EVI5: variants seen among roughly 807,000 people sequenced by gnomAD.
EVI5 encodes ecotropic viral integration site 5 protein homolog.
In EVI5, 73 loss-of-function variants were observed where a neutral mutation model predicts 112.0. That is an observed-to-expected ratio of 0.65 (90% CI 0.54 to 0.79). The LOEUF (loss-of-function observed/expected upper bound fraction) is 0.79. Among genes scored for constraint, EVI5 ranks in the 30% least tolerant of loss-of-function variants. The pLI, the probability that EVI5 is intolerant of heterozygous loss-of-function variation, is 0.00. For synonymous variants in EVI5, 305 were observed against 319.9 expected, an observed-to-expected ratio of 0.95 and a Z score of 0.50; for missense variants, 900 against 968.8, an observed-to-expected ratio of 0.93 and a Z score of 0.94.
Position 92,513,519 on chromosome 1 carries a change from A to G in EVI5, c.*137T>C, listed in dbSNP as rs1265548480. 4.0e-5 allele frequency: 1 copy of G among 25,112 alleles called. No homozygotes were observed. Among genetic ancestry groups the G allele is most frequent in the Non-Finnish European group, 6.4e-5 (1 of 15,636 alleles). 1.6% of individuals were successfully genotyped at this position (25,112 alleles called of 1,614,324 possible). The stretch of plus-strand genomic sequence containing the variant: ...GCAGATAAGACTGTAAAATATATAT[A>G]TATATATATATATATATATATATAT... On this transcript the variant is annotated 3_prime_UTR_variant, in exon 20 of 20. Transcript: ENST00000684568.
Position 92,513,602 on chromosome 1 carries a change from A to C in EVI5, c.*54T>G. 9.3e-7 allele frequency: 1 copy of C among 1,074,150 alleles called. No homozygotes were observed. Among genetic ancestry groups the C allele is most frequent in the Non-Finnish European group, 1.3e-6 (1 of 776,510 alleles). 66.5% of individuals were successfully genotyped at this position (1,074,150 alleles called of 1,614,324 possible). The stretch of plus-strand genomic sequence containing the variant: ...AACAAATTATTTCCAAAAAGCCCTA[A>C]TCATATGATAACTGATCCCTTAAAT... On this transcript the variant is annotated 3_prime_UTR_variant, in exon 20 of 20. Transcript: ENST00000684568.
rs191405674 is a variant in EVI5 at position 92,778,692 on chromosome 1, G to A, written c.-82+6144C>T. On this transcript the variant is annotated intron_variant, in intron 1 of 19. Coordinates refer to ENST00000684568, the MANE Select transcript of EVI5 (RefSeq NM_001350197.2). The stretch of plus-strand genomic sequence containing the variant: ...TTATTTCAATCTTGGCTACACACTG[G>A]AATTATCTTGGCAGCTTTAAAAAAT... 5.9e-5 allele frequency among the ~76,000 whole-genome samples: 9 copies of A among 152,238 alleles called. No individual in the cohort carries two copies. The East Asian group carries it at 1.5e-3, about 26-fold the overall frequency.
rs373829277 is a variant in EVI5 at position 92,658,172 on chromosome 1, T to C, written c.1392+4547A>G. On this transcript the variant is annotated intron_variant, in intron 13 of 19. Transcript: ENST00000684568. ...AAGTTGAAAGCACTCCTCTAAGATCTGGAACAAGACAAGGATGCTTACTTT... is the reference window on the plus strand; with the variant it reads ...AAGTTGAAAGCACTCCTCTAAGATCCGGAACAAGACAAGGATGCTTACTTT... 2.7e-4 allele frequency among the ~76,000 whole-genome samples: 41 copies of C among 152,328 alleles called. 1 individual carries two copies. In the South Asian group the frequency reaches 8.3e-3, roughly 31 times the overall value.
chr1:92,678,800 A>T (rs1667144770), intron 9 of EVI5, among the ~76,000 whole-genome samples: 1 of 152,152 alleles, frequency 6.6e-6, no homozygotes, highest in Non-Finnish European at 1.5e-5. Context: ...TCAAAAATAA[A>T]ATTCTCCCTC....
intron 1 of EVI5, among the ~76,000 whole-genome samples, chr1:92,782,858 C>T (rs1685045285): frequency 6.6e-6 from 1 of 152,024 alleles, no homozygotes; most frequent in African/African-American, 2.4e-5. Context: ...CTCACTCTGC[C>T]GCTCAGGCTG....
chr1:92,675,485 AT>A (rs201106041), intron 10 of EVI5, among the ~76,000 whole-genome samples: 1 of 151,478 alleles, frequency 6.6e-6, no homozygotes, highest in African/African-American at 2.4e-5. Flanking sequence ...TAGAACTGTG[AT>A]TTTTTTTTCA....
intron 18 of EVI5, among the ~76,000 whole-genome samples, chr1:92,592,406 G>C (rs1674114624): frequency 6.6e-6 from 1 of 152,190 alleles, no homozygotes; most frequent in Admixed American, 6.5e-5. Flanking sequence ...GAATCTCTGG[G>C]ACACATTCCA....
intron 19 of EVI5, among the ~76,000 whole-genome samples, chr1:92,515,003 C>A (rs1199402131): frequency 6.6e-6 from 1 of 152,136 alleles, no homozygotes; most frequent in Non-Finnish European, 1.5e-5. Flanking sequence ...GGGGGGAGTG[C>A]CAGTCCGGTA....
At chr1:92,739,800 T>C (rs1678073059) in intron 1 of EVI5, among the ~76,000 whole-genome samples, 1 of 151,984 alleles carries the variant, frequency 6.6e-6, no homozygotes, top group Admixed American at 6.6e-5. Flanking sequence ...ATGGCTATGG[T>C]TAATTACTTC....
At chr1:92,521,835 T>C (rs1419172129) in intron 19 of EVI5, among the ~76,000 whole-genome samples, 5 of 152,206 alleles carry the variant, frequency 3.3e-5, no homozygotes, top group Admixed American at 6.5e-5. Flanking sequence ...TGTCAAAAAA[T>C]GGTCTTCCAT....
chr1:92,663,359 G>A, intron 12 of EVI5, 61 bp downstream of exon 12: 1 of 804,194 alleles, frequency 1.2e-6, no homozygotes, highest in Non-Finnish European at 1.9e-6. Context: ...TCGAGGTTTA[G>A]GACTTTCCTT....
At position 92,603,819 on chromosome 1, in the gene EVI5, C is replaced by T. The variant is rs546644366; in HGVS notation, c.2070+1488G>A. Among the ~76,000 whole-genome samples the T allele has an allele frequency of 7.0e-4, 106 of 152,120 alleles. 1 individual carries two copies. The highest frequency in any genetic ancestry group is 1.2e-3 in the Non-Finnish European group (82 of 67,984). On this transcript the variant is annotated intron_variant, in intron 18 of 19. Coordinates refer to ENST00000684568, the MANE Select transcript of EVI5 (RefSeq NM_001350197.2). ...TCATGGCTTACTGCAGCCTTGACCT[C>T]CCAGGCTCAGGCAACCCACCCACCT... is the stretch of plus-strand genomic sequence containing the variant.
chr1:92,665,031 C>T (rs1341131981), intron 11 of EVI5, among the ~76,000 whole-genome samples: 1 of 152,042 alleles, frequency 6.6e-6, no homozygotes, highest in East Asian at 1.9e-4. Context: ...ATGGTGAAAC[C>T]CTGTCTCTAC....
At chr1:92,700,446 T>C (rs1570439537) in intron 5 of EVI5, among the ~76,000 whole-genome samples, 1 of 152,330 alleles carries the variant, frequency 6.6e-6, no homozygotes, top group African/African-American at 2.4e-5. Context: ...TTCTACCTTA[T>C]GGCCCTGGGC....
intron 9 of EVI5, among the ~76,000 whole-genome samples, chr1:92,691,138 T>C (rs183515785): frequency 1.6e-3 from 239 of 152,282 alleles, no homozygotes; most frequent in African/African-American, 5.5e-3. Flanking sequence ...AACAACTGAA[T>C]ACAATGAAAT....
At chr1:92,782,890 G>A (rs1306147080) in intron 1 of EVI5, among the ~76,000 whole-genome samples, 1 of 152,066 alleles carries the variant, frequency 6.6e-6, no homozygotes, top group African/African-American at 2.4e-5. Flanking sequence ...CATGATCAAG[G>A]CTCACTGCAA....
chr1:92,737,640 G>A (rs1341250783), intron 1 of EVI5, among the ~76,000 whole-genome samples: 1 of 151,696 alleles, frequency 6.6e-6, no homozygotes, highest in African/African-American at 2.4e-5. Context: ...ATCCTGTCCA[G>A]GTCCTGGTAG....
At chr1:92,583,278 G>A (rs1672240774) in intron 18 of EVI5, among the ~76,000 whole-genome samples, 2 of 152,018 alleles carry the variant, frequency 1.3e-5, no homozygotes. Context: ...GGAGGCTGAG[G>A]TGGGTGGATC....
intron 19 of EVI5, among the ~76,000 whole-genome samples, chr1:92,546,621 G>A (rs1437887597): frequency 6.6e-6 from 1 of 151,988 alleles, no homozygotes. Flanking sequence ...GCTTGAATCC[G>A]GGAGGCGGAG....
Sources: allele counts gnomAD v4.1 joint callset (sites outside exome capture counted in the v4.1 genomes callset), GRCh38; gene constraint gnomAD v4.1.1; transcripts MANE v1.5; gene names NCBI Gene and HGNC (gene_info 2026-07-23, HGNC 2026-07-21).